Variants in ZBTB49 observed in about 807,000 individuals in gnomAD.
The protein encoded by ZBTB49 is zinc finger and BTB domain containing 49.
ZBTB49 carries 43 observed loss-of-function variants against 57.5 expected under a neutral mutation model. The ratio of observed to expected loss-of-function variants is 0.75; its 90% CI spans 0.59 to 0.97. The LOEUF (loss-of-function observed/expected upper bound fraction) is 0.97, where lower values mean the gene tolerates loss of function less well. ZBTB49 is among the 50% of genes least tolerant of loss of function. The pLI is 0.00. For missense variants in ZBTB49, 938 were observed against 947.7 expected, an observed-to-expected ratio of 0.99 and a Z score of 0.13; for synonymous variants, 369 against 362.1, an observed-to-expected ratio of 1.02 and a Z score of -0.22.
chr4:4,311,008 T>C (rs1720963017), intron 4 of ZBTB49, among the ~76,000 whole-genome samples: 1 of 152,200 alleles, frequency 6.6e-6, no homozygotes, highest in Non-Finnish European at 1.5e-5. Flanking sequence ...ACTATTGGAT[T>C]TTTTGCATGG....
At chr4:4,319,971 G>T (rs911041917) in intron 7 of ZBTB49, among the ~76,000 whole-genome samples, 1 of 149,610 alleles carries the variant, frequency 6.7e-6, no homozygotes. Flanking sequence ...GGCTGAGGCA[G>T]GAGAACCACC....
intron 7 of ZBTB49, among the ~76,000 whole-genome samples, chr4:4,317,245 A>T (rs1338578312): frequency 2.0e-5 from 3 of 151,938 alleles, no homozygotes; most frequent in Non-Finnish European, 4.4e-5. Flanking sequence ...CTGGTTTCAC[A>T]CTCTGATGAG....
chr4:4,304,510 G>A (rs960385848), intron 3 of ZBTB49, among the ~76,000 whole-genome samples: 2 of 145,340 alleles, frequency 1.4e-5, no homozygotes, highest in Non-Finnish European at 3.0e-5. Context: ...GAGCCACAAC[G>A]CTTGGCCCGA....
chr4:4,297,398 TCA>T (rs1368467576), intron 1 of ZBTB49, among the ~76,000 whole-genome samples: 1 of 152,122 alleles, frequency 6.6e-6, no homozygotes, highest in Non-Finnish European at 1.5e-5. Context: ...GAAGTTTAAG[TCA>T]CAGCCATTTT....
At chr4:4,313,135 TC>T (rs1721044690) in intron 5 of ZBTB49, 21 bp downstream of exon 5, 1 of 1,613,762 alleles carries the variant, frequency 6.2e-7, no homozygotes, top group Non-Finnish European at 8.5e-7. Context: ...GGCGTGTTCT[TC>T]CGTGTGGAAG....
chr4:4,321,412 TA>T lies in ZBTB49; in HGVS notation c.*98del. On this transcript the variant is annotated 3_prime_UTR_variant, in exon 8 of 8. Coordinates refer to ENST00000337872, the MANE Select transcript of ZBTB49 (RefSeq NM_145291.4). The stretch of plus-strand genomic sequence containing the variant: ...CCAGTTTCCCCATGACAGTGCCTTC[TA>T]ACTAGCCAGAGAATAGGTAGCTTCC... 1.6e-6 allele frequency: 2 copies of T among 1,269,080 alleles called. No homozygotes were observed. The highest frequency in any genetic ancestry group is 2.5e-5 in the East Asian group (1 of 40,494). The allele number at this position is 1,269,080 out of a possible 1,614,324, so 78.6% of individuals were successfully genotyped here.
At chr4:4,311,884 A>C (rs1720994472) in intron 4 of ZBTB49, among the ~76,000 whole-genome samples, 1 of 152,166 alleles carries the variant, frequency 6.6e-6, no homozygotes, top group African/African-American at 2.4e-5. Context: ...TGTTTCCCAG[A>C]ATTTGATAGA....
chr4:4,303,137 G>T, intron 3 of ZBTB49, 46 bp downstream of exon 3: 1 of 1,511,844 alleles, frequency 6.6e-7, no homozygotes, highest in Non-Finnish European at 8.8e-7. Flanking sequence ...ACGTAATGCG[G>T]ATGCTCAGAC....
At chr4:4,306,787 T>C (rs2108885611) in intron 4 of ZBTB49, among the ~76,000 whole-genome samples, 1 of 152,338 alleles carries the variant, frequency 6.6e-6, no homozygotes, top group Middle Eastern at 3.4e-3. Flanking sequence ...ACCTATTCTT[T>C]CTGAAACAGA....
At chr4:4,304,448 C>A (rs1720653184) in intron 3 of ZBTB49, among the ~76,000 whole-genome samples, 1 of 152,072 alleles carries the variant, frequency 6.6e-6, no homozygotes, top group East Asian at 1.9e-4. Context: ...GAACTCCTAA[C>A]CTCAAGTGAT....
intron 7 of ZBTB49, among the ~76,000 whole-genome samples, chr4:4,318,981 C>T (rs1239658402): frequency 6.7e-6 from 1 of 149,256 alleles, no homozygotes; most frequent in African/African-American, 2.5e-5. Context: ...GCCTCGACCT[C>T]CTGGACACAG....
At chr4:4,320,513 G>C (rs573734140) in intron 7 of ZBTB49, 127 bp from the exon 8 acceptor site, 2 of 1,145,072 alleles carry the variant, frequency 1.7e-6, no homozygotes, top group Non-Finnish European at 1.2e-6. Context: ...GGTGTCATGC[G>C]CCTGTCGTCC....
rs1721165103 is a variant in ZBTB49 at position 4,315,721 on chromosome 4, A to G, written c.1459+3A>G. 1 of 1,613,482 alleles carries G rather than the reference A, an allele frequency of 6.2e-7. No homozygotes were observed. The highest frequency in any genetic ancestry group is 8.5e-7 in the Non-Finnish European group (1 of 1,179,988). Reference sequence around the variant, plus strand: ...CTTGTGTGACATCTGTGGTCGAGGTACAGCTGAGTGTTTTCCTATTCTTCT... The same window carrying G: ...CTTGTGTGACATCTGTGGTCGAGGTGCAGCTGAGTGTTTTCCTATTCTTCT... On this transcript the variant is annotated splice_donor_region_variant and intron_variant, in intron 6 of 7. Coordinates refer to ENST00000337872, the MANE Select transcript of ZBTB49 (RefSeq NM_145291.4).
In ZBTB49 at chr4:4,302,534, A is replaced by G; in HGVS notation, c.698A>G (p.Gln233Arg). ...CATAAACACGCAGCTGGTCCCAGTC[A>G]GGAGAGAGTTGTTGAGCAGCCTTTT... is the stretch of plus-strand genomic sequence containing the variant. ...QYHKHAAGPSQERVVEQPFAF... is the reference protein window; with the variant it reads ...QYHKHAAGPSRERVVEQPFAF... Residue 233 changes from glutamine (Q) to arginine (R), a missense_variant, in exon 3 of 8, where the codon CAG (glutamine) becomes CGG (arginine). Physicochemically the swap from Gln to Arg is conservative, Grantham distance 43 (BLOSUM62 1). Around this residue, in one of 3 missense-constraint regions of ZBTB49, gnomAD observed 835 missense variants for 819.1 expected, o/e 1.02. Coordinates refer to ENST00000337872, the MANE Select transcript of ZBTB49 (RefSeq NM_145291.4). The G allele has an allele frequency of 6.2e-7, 1 of 1,614,096 alleles. No individual in the cohort carries two copies. Among genetic ancestry groups the G allele is most frequent in the Non-Finnish European group, 8.5e-7 (1 of 1,179,952 alleles).
Position 4,313,085 on chromosome 4 carries a change from A to G in ZBTB49, c.1347A>G (p.Lys449=), listed in dbSNP as rs1721043333. The change falls in exon 5 of 8, where the codon AAA becomes AAG. Residue 449 remains lysine, a synonymous_variant. Coordinates refer to ENST00000337872, the MANE Select transcript of ZBTB49 (RefSeq NM_145291.4). ...ACTTACGACGGCATTCTGGTGAAAA[A>G]CCATACATCTGCGAGATCTGTGGAA... ...QTHLRRHSGE[K]PYICEICGKR... is the part of the protein sequence containing the mutation. The G allele has an allele frequency of 1.2e-6, 2 of 1,613,978 alleles. No individual in the cohort carries two copies. The highest frequency in any genetic ancestry group is 2.7e-5 in the African/African-American group (2 of 74,912).
intron 1 of ZBTB49, among the ~76,000 whole-genome samples, chr4:4,292,418 T>C (rs1530339): frequency 0.7 from 106,776 of 152,212 alleles, 40,329 homozygotes; most frequent in Non-Finnish European, 0.83. Context: ...ATAATGGGCA[T>C]TGTGTAAAGT....
chr4:4,315,855 G>A lies in ZBTB49; in HGVS notation c.1506G>A (p.Thr502=), dbSNP rs768661503. 1.3e-5 allele frequency: 21 copies of A among 1,614,086 alleles called. No homozygotes were observed. Among genetic ancestry groups the A allele is most frequent in the Admixed American group, 8.3e-5 (5 of 60,004 alleles). Reference sequence around the variant, plus strand: ...TGAAGGAGCACAAAAAGACACACACGGCTGATAAAGTCTTCACCTGTGATG... The same window carrying A: ...TGAAGGAGCACAAAAAGACACACACAGCTGATAAAGTCTTCACCTGTGATG... ...SNLKEHKKTH[T]ADKVFTCDEC... Residue 502 remains threonine (T), a synonymous_variant, in exon 7 of 8, where the codon ACG becomes ACA. Transcript: ENST00000337872.
At chr4:4,317,802 T>G (rs1473168016) in intron 7 of ZBTB49, among the ~76,000 whole-genome samples, 9 of 152,318 alleles carry the variant, frequency 5.9e-5, no homozygotes, top group Non-Finnish European at 1.3e-4. Context: ...AAGTCTGCCT[T>G]CCCTGTCTTC....
Position 4,319,560 on chromosome 4 carries a change from C to T in ZBTB49, c.1622-1080C>T, listed in dbSNP as rs1721323786. The stretch of plus-strand genomic sequence containing the variant: ...ACAGGGCCAGGCGCCATGGCTCATG[C>T]CTGTAACCCCAGCACTTTGGGAGGC... On this transcript the variant is annotated intron_variant, in intron 7 of 7. Coordinates refer to ENST00000337872, the MANE Select transcript of ZBTB49 (RefSeq NM_145291.4). Among the ~76,000 whole-genome samples the T allele has an allele frequency of 2.6e-5, 4 of 152,230 alleles. No individual in the cohort carries two copies. The South Asian group carries it at 8.3e-4, about 32-fold the overall frequency.
Sources: gnomAD v4.1 joint callset for allele counts (sites outside exome capture counted in the v4.1 genomes callset) on GRCh38, gnomAD v4.1.1 for gene constraint, gnomAD v4.1.1 regional missense constraint, MANE v1.5 for transcripts, NCBI Gene and HGNC (gene_info 2026-07-23, HGNC 2026-07-21) for gene names.